The following EIF4B variants were observed in gnomAD, a reference collection of about 807,000 sequenced individuals.
EIF4B encodes the protein eukaryotic translation initiation factor 4B.
In EIF4B, 8 loss-of-function variants were observed where a neutral mutation model predicts 79.3. The ratio of observed to expected loss-of-function variants is 0.10; its 90% CI spans 0.06 to 0.18. The LOEUF is 0.18. Among genes scored for constraint, EIF4B ranks in the 10% least tolerant of loss-of-function variants. EIF4B has a pLI of 1.00. For synonymous variants in EIF4B, 238 were observed against 274.7 expected (o/e 0.87, Z 1.32); for missense variants, 515 against 792.4 (o/e 0.65, Z 4.20).
Position 53,034,837 on chromosome 12 carries a change from T to C in EIF4B, c.1306+128T>C, listed in dbSNP as rs927091692. 3.0e-5 allele frequency: 30 copies of C among 986,682 alleles called. No individual in the cohort carries two copies. In the African/African-American group the frequency reaches 3.7e-4, roughly 12 times the overall value. The allele number at this position is 986,682 out of a possible 1,614,324, so 61.1% of individuals were successfully genotyped here. A position where few individuals can be genotyped will look rare whatever the true frequency, so the allele number is the denominator to read the frequency against. On this transcript the variant is annotated intron_variant, in intron 10 of 14. Coordinates refer to ENST00000262056, the MANE Select transcript of EIF4B (RefSeq NM_001417.7). The stretch of plus-strand genomic sequence containing the variant: ...TCTTTATTTGGGTTGCATGGGCCGA[T>C]TGGAGTTTCATATCTTCTGCTCCAA...
Position 53,009,837 on chromosome 12 carries a change from A to T in EIF4B, c.13+3341A>T, listed in dbSNP as rs143046029. Among the ~76,000 whole-genome samples, 492 of 152,366 alleles carry T rather than the reference A, an allele frequency of 3.2e-3. 2 individuals are homozygous for T. Among genetic ancestry groups the T allele is most frequent in the African/African-American group, 0.011 (464 of 41,582 alleles). The stretch of plus-strand genomic sequence containing the variant: ...CAAATACAGAATAGTGTCAATTAAG[A>T]TAAAGCAGTGTTTCTAAGTAATGTC... On this transcript the variant is annotated intron_variant, in intron 1 of 14. Transcript: ENST00000262056.
chr12:53,014,368 G>A (rs1196341414), intron 1 of EIF4B, among the ~76,000 whole-genome samples: 2 of 150,330 alleles, frequency 1.3e-5, no homozygotes, highest in Non-Finnish European at 3.0e-5. Flanking sequence ...AACTGAGATC[G>A]CGCCACTGCA....
chr12:53,029,372 A>ATTTTTTTTTTTTT (rs1240569005), intron 8 of EIF4B, among the ~76,000 whole-genome samples: 1 of 81,058 alleles, frequency 1.2e-5, no homozygotes. Flanking sequence ...TCCTTTTTTT[A>ATTTTTTTTTTTTT]TTTTATTTTT....
intron 4 of EIF4B, among the ~76,000 whole-genome samples, chr12:53,021,350 T>C (rs1554435): frequency 0.81 from 122,516 of 152,124 alleles, 51,418 homozygotes; most frequent in Non-Finnish European, 0.93. Context: ...CCAGGCTGGA[T>C]TTGAACTCCT....
intron 10 of EIF4B, 59 bp downstream of exon 10, chr12:53,034,768 C>G (rs778632992): frequency 1.3e-4 from 202 of 1,572,450 alleles, no homozygotes; most frequent in Admixed American, 2.8e-4. Flanking sequence ...TATCCATAAC[C>G]AAATTATGCA....
At chr12:53,026,682 AC>A (rs1050453990) in intron 6 of EIF4B, among the ~76,000 whole-genome samples, 8 of 152,090 alleles carry the variant, frequency 5.3e-5, no homozygotes, top group Admixed American at 2.6e-4. Context: ...GATCATTGCA[AC>A]CTCTGCCTCC....
At chr12:53,019,169 C>A (rs1021910966) in intron 3 of EIF4B, among the ~76,000 whole-genome samples, 163 bp downstream of exon 3, 1 of 152,054 alleles carries the variant, frequency 6.6e-6, no homozygotes, top group Non-Finnish European at 1.5e-5. Context: ...GAGTCTGAGG[C>A]GGGTGGATCA....
At chr12:53,033,713 G>A (rs993252802) in intron 8 of EIF4B, 93 bp from the exon 9 acceptor site, 2 of 1,332,078 alleles carry the variant, frequency 1.5e-6, no homozygotes, top group Admixed American at 2.6e-5. Context: ...ATCTCATGTA[G>A]CATTTCATAG....
chr12:53,032,830 C>T (rs1943470838), intron 8 of EIF4B, among the ~76,000 whole-genome samples: 2 of 151,840 alleles, frequency 1.3e-5, no homozygotes, highest in Non-Finnish European at 2.9e-5. Context: ...TGCCACCACT[C>T]CTGGCTAATT....
rs369129498 is a variant in EIF4B at position 53,039,363 on chromosome 12, C to T, written c.1682+20C>T. On this transcript the variant is annotated intron_variant, in intron 13 of 14. Transcript: ENST00000262056. Reference sequence around the variant, plus strand: ...AGATAGGTATGCTTGTTCTCTTTCTCATCTTTCCTCTGATCCACATGTTTG... The same window carrying T: ...AGATAGGTATGCTTGTTCTCTTTCTTATCTTTCCTCTGATCCACATGTTTG... 13 of 1,529,694 alleles carry T rather than the reference C, an allele frequency of 8.5e-6. No individual in the cohort carries two copies. In the South Asian group the frequency reaches 1.2e-4, roughly 14 times the overall value. 94.8% of individuals were successfully genotyped at this position (1,529,694 alleles called of 1,614,324 possible). A position where few individuals can be genotyped will look rare whatever the true frequency, so the allele number is the denominator to read the frequency against.
chr12:53,007,420 C>T (rs74455836), intron 1 of EIF4B, among the ~76,000 whole-genome samples: 7 of 92,232 alleles, frequency 7.6e-5, no homozygotes, highest in African/African-American at 3.1e-4. Context: ...AGATTTCAGC[C>T]TTTTTTTTTT....
chr12:53,022,372 T>C, intron 5 of EIF4B, 121 bp from the exon 6 acceptor site: 1 of 1,406,674 alleles, frequency 7.1e-7, no homozygotes, highest in Non-Finnish European at 1.0e-6. Context: ...CTGAGGTAAC[T>C]GGGATGACAG....
chr12:53,033,735 G>A, intron 8 of EIF4B, 71 bp from the exon 9 acceptor site: 5 of 1,475,506 alleles, frequency 3.4e-6, no homozygotes, highest in Non-Finnish European at 4.6e-6. Context: ...AGTTATATCT[G>A]AGAAATCTGG....
At chr12:53,019,437 A>ATTTTTTTTTTCTTTTTTTT (rs1943205515) in intron 3 of EIF4B, among the ~76,000 whole-genome samples, 1 of 51,008 alleles carries the variant, frequency 2.0e-5, no homozygotes, top group African/African-American at 6.6e-5. Context: ...ATATATATAT[A>ATTTTTTTTTTCTTTTTTTT]TTTTTTTTTT....
At chr12:53,015,581 G>T (rs1234106050) in intron 1 of EIF4B, among the ~76,000 whole-genome samples, 1 of 151,920 alleles carries the variant, frequency 6.6e-6, no homozygotes, top group Non-Finnish European at 1.5e-5. Context: ...TATTGAGGAG[G>T]CTGTGGGAGG....
chr12:53,023,474 G>T (rs1473551983), intron 6 of EIF4B, among the ~76,000 whole-genome samples: 1 of 151,710 alleles, frequency 6.6e-6, no homozygotes, highest in Non-Finnish European at 1.5e-5. Context: ...CTCATGATCC[G>T]CCCGCCTTGG....
rs1306512509 is a variant in EIF4B, at chr12:53,042,007, C to T, written c.*1784C>T. The T allele has an allele frequency of 4.6e-5, 7 of 152,742 alleles. No homozygotes were observed. Among genetic ancestry groups the T allele is most frequent in the Admixed American group, 1.3e-4 (2 of 15,300 alleles). The allele number at this position is 152,742 out of a possible 1,614,324, so 9.5% of individuals were successfully genotyped here. A position where few individuals can be genotyped will look rare whatever the true frequency, so the allele number is the denominator to read the frequency against. The stretch of plus-strand genomic sequence containing the variant: ...CAAAACTGTTTTTCCCTCTCCCCTA[C>T]CTTGTCCCCCCTATTAAAATAGAAA... On this transcript the variant is annotated 3_prime_UTR_variant, in exon 15 of 15. Coordinates refer to ENST00000262056, the MANE Select transcript of EIF4B (RefSeq NM_001417.7).
intron 8 of EIF4B, among the ~76,000 whole-genome samples, chr12:53,028,427 C>T (rs1006925949): frequency 6.6e-6 from 1 of 151,716 alleles, no homozygotes; most frequent in African/African-American, 2.4e-5. Flanking sequence ...TGGTGGCAGA[C>T]ACCTGTAGTC....
chr12:53,041,030 T>G lies in EIF4B; in HGVS notation c.*807T>G, dbSNP rs1943626872. ...TCGTGGTAATTCCCAGTGTTTTCTG[T>G]GTCCTAGTTTTACCCTTTCTAAACA... is the stretch of plus-strand genomic sequence containing the variant. On this transcript the variant is annotated 3_prime_UTR_variant, in exon 15 of 15. Transcript: ENST00000262056. 2 of 152,234 alleles carry G rather than the reference T, an allele frequency of 1.3e-5. No homozygotes were observed. Among genetic ancestry groups the G allele is most frequent in the African/African-American group, 4.8e-5 (2 of 41,444 alleles). 9.4% of individuals were successfully genotyped at this position (152,234 alleles called of 1,614,324 possible). A position where few individuals can be genotyped will look rare whatever the true frequency, so the allele number is the denominator to read the frequency against.
Sources: gnomAD v4.1 joint callset for allele counts (sites outside exome capture counted in the v4.1 genomes callset) on GRCh38, gnomAD v4.1.1 for gene constraint, MANE v1.5 for transcripts, NCBI Gene and HGNC (gene_info 2026-07-23, HGNC 2026-07-21) for gene names.